NTM: variants seen among roughly 807,000 people sequenced by gnomAD.
NTM encodes IgLON family member 2.
In NTM, 13 loss-of-function variants were observed where a neutral mutation model predicts 42.1. The observed-to-expected ratio is 0.31, with a 90% CI of 0.20 to 0.49. The LOEUF is 0.49. Among genes scored for constraint, NTM ranks in the 20% least tolerant of loss-of-function variants. The pLI is 0.99. For missense variants in NTM, 373 were observed against 452.8 expected (o/e 0.82, Z 1.60); for synonymous variants, 187 against 179.2 (o/e 1.04, Z -0.35).
Position 132,314,790 on chromosome 11 carries a change from C to G in NTM, c.934+87C>G. 5 of 1,441,780 alleles carry G rather than the reference C, an allele frequency of 3.5e-6. No homozygotes were observed. In the South Asian group the frequency reaches 6.4e-5, roughly 18 times the overall value. 89.3% of individuals were successfully genotyped at this position (1,441,780 alleles called of 1,614,324 possible). Reference sequence around the variant, plus strand: ...TGGGAGGGCCCCTCAAGGCCAGGGTCAGAGGTTAGCAGGGTATCAGTGGAC... The same window carrying G: ...TGGGAGGGCCCCTCAAGGCCAGGGTGAGAGGTTAGCAGGGTATCAGTGGAC... On this transcript the variant is annotated intron_variant, in intron 7 of 8. Coordinates refer to ENST00000683400, the MANE Select transcript of NTM (RefSeq NM_001352005.2).
At chr11:131,861,956 A>C (rs951402740) in intron 1 of NTM, among the ~76,000 whole-genome samples, 1 of 152,078 alleles carries the variant, frequency 6.6e-6, no homozygotes, top group South Asian at 2.1e-4. Context: ...TCCAGAGCCC[A>C]CTGTTAAACC....
intron 4 of NTM, among the ~76,000 whole-genome samples, chr11:132,250,155 T>A (rs916507247): frequency 3.5e-4 from 53 of 152,234 alleles, no homozygotes; most frequent in African/African-American, 1.3e-3. Context: ...ATACAGAATG[T>A]TAAGTTGGAA....
At chr11:131,481,860 C>G (rs893395832) in intron 1 of NTM, among the ~76,000 whole-genome samples, 5 of 152,140 alleles carry the variant, frequency 3.3e-5, no homozygotes, top group Non-Finnish European at 7.4e-5. Context: ...TAGGAACAGG[C>G]CTGTTATAGA....
intron 6 of NTM, among the ~76,000 whole-genome samples, chr11:132,313,469 G>T (rs1320026814): frequency 6.6e-6 from 1 of 150,554 alleles, no homozygotes; most frequent in Non-Finnish European, 1.5e-5. Flanking sequence ...TCAAGAAGGG[G>T]TTTTTTGCCC....
At chr11:132,288,886 G>T (rs773583103) in intron 4 of NTM, among the ~76,000 whole-genome samples, 2 of 152,162 alleles carry the variant, frequency 1.3e-5, no homozygotes, top group African/African-American at 2.4e-5. Context: ...CTCCCAAAGT[G>T]CTGGGATTAT....
At position 131,552,114 on chromosome 11, in the gene NTM, C is replaced by CTTTTT. The variant is rs1468157169; in HGVS notation, c.82+181226_82+181227insTTTTT. On this transcript the variant is annotated intron_variant, in intron 1 of 8. Transcript: ENST00000683400. Reference sequence around the variant, plus strand: ...CCACAGTGGAATAAAAAGGCACACCCACCAGAATGAGGAAGGAAAGAAGGA... The same window carrying CTTTTT: ...CCACAGTGGAATAAAAAGGCACACCCTTTTTACCAGAATGAGGAAGGAAAGAAGGA... 3.9e-5 allele frequency among the ~76,000 whole-genome samples: 6 copies of CTTTTT among 152,082 alleles called. No homozygotes were observed. In the South Asian group the frequency reaches 1.0e-3, roughly 26 times the overall value.
At chr11:131,988,516 A>G (rs377498977) in intron 2 of NTM, among the ~76,000 whole-genome samples, 1 of 152,168 alleles carries the variant, frequency 6.6e-6, no homozygotes, top group African/African-American at 2.4e-5. Flanking sequence ...CTGGTGACAT[A>G]GTGACTGGCA....
chr11:132,149,500 C>T (rs1463862631), intron 3 of NTM, among the ~76,000 whole-genome samples: 1 of 152,194 alleles, frequency 6.6e-6, no homozygotes, highest in Non-Finnish European at 1.5e-5. Flanking sequence ...TAGTCACCTT[C>T]ATATCTAAAT....
At chr11:131,829,107 A>G (rs1450292915) in intron 1 of NTM, among the ~76,000 whole-genome samples, 1 of 151,996 alleles carries the variant, frequency 6.6e-6, no homozygotes, top group Non-Finnish European at 1.5e-5. Flanking sequence ...AGACCCAGTA[A>G]TGAGAACTTC....
At chr11:132,301,286 G>A (rs1453901728) in intron 4 of NTM, among the ~76,000 whole-genome samples, 3 of 152,242 alleles carry the variant, frequency 2.0e-5, no homozygotes, top group South Asian at 2.1e-4. Flanking sequence ...TCATGAGAAC[G>A]GGATGGGGGA....
chr11:132,267,317 G>A (rs73597247), intron 4 of NTM, among the ~76,000 whole-genome samples: 1,589 of 152,230 alleles, frequency 0.01, 32 homozygotes, highest in African/African-American at 0.036. Flanking sequence ...AACATCATCG[G>A]AAGACATGCT....
intron 1 of NTM, among the ~76,000 whole-genome samples, chr11:131,827,206 A>T (rs1370616891): frequency 6.6e-6 from 1 of 152,232 alleles, no homozygotes; most frequent in East Asian, 1.9e-4. Flanking sequence ...GGAATTACAT[A>T]TTAGAAAACT....
At chr11:131,985,644 G>A (rs2065945074) in intron 2 of NTM, among the ~76,000 whole-genome samples, 1 of 152,150 alleles carries the variant, frequency 6.6e-6, no homozygotes, top group South Asian at 2.1e-4. Flanking sequence ...AGAGCACGCG[G>A]CGTCATAGGA....
At chr11:132,107,544 T>G (rs935761249) in intron 2 of NTM, among the ~76,000 whole-genome samples, 1 of 115,622 alleles carries the variant, frequency 8.6e-6, no homozygotes, top group Admixed American at 8.4e-5. Context: ...TTAAAAAAAT[T>G]TTTTTTGTAA....
intron 2 of NTM, among the ~76,000 whole-genome samples, chr11:131,990,137 A>G (rs571656699): frequency 1.3e-5 from 2 of 152,254 alleles, no homozygotes; most frequent in African/African-American, 4.8e-5. Context: ...CATTTTATGG[A>G]GAAGAAAACC....
intron 1 of NTM, among the ~76,000 whole-genome samples, chr11:131,652,598 C>T (rs2066640399): frequency 6.6e-6 from 1 of 152,234 alleles, no homozygotes; most frequent in East Asian, 1.9e-4. Flanking sequence ...TGGGGCAAGA[C>T]AGCAGCTGGC....
chr11:131,646,596 A>G (rs2065801143), intron 1 of NTM, among the ~76,000 whole-genome samples: 1 of 152,200 alleles, frequency 6.6e-6, no homozygotes, highest in Admixed American at 6.5e-5. Context: ...TTTAGAGGAC[A>G]TTTTAGCATA....
intron 2 of NTM, among the ~76,000 whole-genome samples, chr11:131,975,140 T>C (rs1437294401): frequency 6.6e-6 from 1 of 152,094 alleles, no homozygotes; most frequent in Non-Finnish European, 1.5e-5. Flanking sequence ...TTTCTTCTTA[T>C]TTTTTGCCTT....
chr11:131,708,617 C>G lies in NTM; in HGVS notation c.83-202947C>G, dbSNP rs113917440. ...GGAAATAGAAAAATAGTGGAAGCAACCTAAATACCCAAGGGAATGATTACA... is the reference window on the plus strand; with the variant it reads ...GGAAATAGAAAAATAGTGGAAGCAAGCTAAATACCCAAGGGAATGATTACA... On this transcript the variant is annotated intron_variant, in intron 1 of 8. Transcript: ENST00000683400. Among the ~76,000 whole-genome samples the G allele has an allele frequency of 7.3e-3, 1,107 of 152,166 alleles. 10 individuals are homozygous for G. Among genetic ancestry groups the G allele is most frequent in the African/African-American group, 0.024 (1,014 of 41,512 alleles).
Sources: allele counts gnomAD v4.1 joint callset (sites outside exome capture counted in the v4.1 genomes callset), GRCh38; gene constraint gnomAD v4.1.1; transcripts MANE v1.5; gene names NCBI Gene and HGNC (gene_info 2026-07-23, HGNC 2026-07-21).